Variants in APBB2 observed in about 807,000 individuals in gnomAD.
APBB2 encodes Fe65-like 1.
A neutral mutation model predicts 82.5 loss-of-function variants in APBB2; 38 were observed. That is an observed-to-expected ratio of 0.46 (90% CI 0.36 to 0.60). The LOEUF (loss-of-function observed/expected upper bound fraction) is 0.60. APBB2 is among the 20% of genes least tolerant of loss of function. The probability of loss-of-function intolerance (pLI) is 0.00; values close to 1 mark genes in which losing one functional copy is unlikely to be tolerated. For synonymous variants in APBB2, 341 were observed against 368.2 expected (o/e 0.93, Z 0.85); for missense variants, 772 against 972.3 (o/e 0.79, Z 2.74).
At chr4:40,900,445 C>T (rs9991450) in intron 10 of APBB2, among the ~76,000 whole-genome samples, 5,734 of 137,864 alleles carry the variant, frequency 0.042, 360 homozygotes, top group African/African-American at 0.15. Context: ...TGGGAGCTCA[C>T]GGAAGGAGGT....
chr4:40,863,152 C>T (rs899588565), intron 12 of APBB2, among the ~76,000 whole-genome samples: 1 of 152,190 alleles, frequency 6.6e-6, no homozygotes, highest in Non-Finnish European at 1.5e-5. Context: ...CCATGCTTTA[C>T]TTGTTTTTGT....
chr4:41,087,055 A>C (rs1740019856), intron 3 of APBB2, among the ~76,000 whole-genome samples: 1 of 152,166 alleles, frequency 6.6e-6, no homozygotes, highest in African/African-American at 2.4e-5. Flanking sequence ...CGGGAGGATC[A>C]CTTGAGCCCA....
intron 13 of APBB2, among the ~76,000 whole-genome samples, chr4:40,829,574 G>A (rs1033213191): frequency 1.3e-5 from 2 of 152,126 alleles, no homozygotes; most frequent in Admixed American, 6.5e-5. Flanking sequence ...GTTCCAAGAG[G>A]AAGATTTCGG....
chr4:41,048,834 G>C (rs955214698), intron 4 of APBB2, among the ~76,000 whole-genome samples: 56 of 152,264 alleles, frequency 3.7e-4, no homozygotes, highest in African/African-American at 1.1e-3. Context: ...TGCCACGCCG[G>C]ACTAGTTTTC....
At chr4:40,830,607 G>T in intron 12 of APBB2, 30 bp from the exon 13 acceptor site, 1 of 1,370,030 alleles carries the variant, frequency 7.3e-7, no homozygotes, top group Non-Finnish European at 1.0e-6. Context: ...CAGTCCATTA[G>T]TAAGAGAAGC....
chr4:41,141,764 A>G (rs894893519), intron 2 of APBB2, among the ~76,000 whole-genome samples: 3 of 152,246 alleles, frequency 2.0e-5, no homozygotes, highest in Non-Finnish European at 2.9e-5. Context: ...GCAGGCAAAA[A>G]AAGACAGAGC....
chr4:40,870,969 G>A (rs539695085), intron 12 of APBB2, among the ~76,000 whole-genome samples: 23 of 150,720 alleles, frequency 1.5e-4, no homozygotes, highest in Middle Eastern at 3.4e-3. Flanking sequence ...CCAAAGTGCC[G>A]GGATTACAGG....
At chr4:41,182,411 A>G (rs1771680547) in intron 1 of APBB2, among the ~76,000 whole-genome samples, 1 of 152,172 alleles carries the variant, frequency 6.6e-6, no homozygotes, top group Non-Finnish European at 1.5e-5. Flanking sequence ...CACAGCTTCA[A>G]ACACCTTCTA....
chr4:40,958,320 A>G (rs1792216008), intron 6 of APBB2, among the ~76,000 whole-genome samples: 1 of 152,214 alleles, frequency 6.6e-6, no homozygotes, highest in Non-Finnish European at 1.5e-5. Flanking sequence ...GAGTGTGCAC[A>G]TAGTATACAA....
chr4:41,206,367 T>G (rs1484247616), intron 1 of APBB2, among the ~76,000 whole-genome samples: 1 of 152,176 alleles, frequency 6.6e-6, no homozygotes, highest in Non-Finnish European at 1.5e-5. Flanking sequence ...TAACCAATGT[T>G]CTGGTACATT....
At chr4:40,880,254 CAAT>C (rs1560778482) in intron 12 of APBB2, 1 of 985,326 alleles carries the variant, frequency 1.0e-6, no homozygotes, top group Non-Finnish European at 1.2e-6. Flanking sequence ...AAACTCGACA[CAAT>C]GAGACTCCTT....
At chr4:40,885,804 C>A (rs576209851) in intron 12 of APBB2, among the ~76,000 whole-genome samples, 1 of 152,308 alleles carries the variant, frequency 6.6e-6, no homozygotes, top group East Asian at 1.9e-4. Context: ...TGTGTTTCCA[C>A]CGAGGAAACG....
chr4:40,864,924 T>C (rs184661389), intron 12 of APBB2, among the ~76,000 whole-genome samples: 1 of 149,964 alleles, frequency 6.7e-6, no homozygotes, highest in African/African-American at 2.5e-5. Context: ...AGTAGTGCAA[T>C]CTTGGTTCAC....
intron 10 of APBB2, among the ~76,000 whole-genome samples, chr4:40,908,723 C>A (rs1385704851): frequency 6.6e-6 from 1 of 152,184 alleles, no homozygotes; most frequent in Non-Finnish European, 1.5e-5. Context: ...CTTCAAAGCC[C>A]ACCAGCTCTA....
At chr4:40,851,427 C>A (rs531171098) in intron 12 of APBB2, among the ~76,000 whole-genome samples, 1 of 152,150 alleles carries the variant, frequency 6.6e-6, no homozygotes, top group South Asian at 2.1e-4. Context: ...AAAGGGAGGG[C>A]GATGAAAAAC....
chr4:41,131,165 T>C (rs530290732), intron 2 of APBB2, among the ~76,000 whole-genome samples: 1 of 152,324 alleles, frequency 6.6e-6, no homozygotes, highest in South Asian at 2.1e-4. Flanking sequence ...CATGCTACAC[T>C]GGAGCCTCAT....
At chr4:41,046,046 G>A (rs142718919) in intron 4 of APBB2, among the ~76,000 whole-genome samples, 1,530 of 152,218 alleles carry the variant, frequency 0.01, 30 homozygotes, top group African/African-American at 0.035. Context: ...TGTATATGAA[G>A]CTGGGTATAT....
intron 17 of APBB2, among the ~76,000 whole-genome samples, chr4:40,817,913 A>C (rs1157944147): frequency 1.3e-5 from 2 of 152,188 alleles, no homozygotes; most frequent in African/African-American, 4.8e-5. Flanking sequence ...ACACATCGAA[A>C]GCACGGATTT....
chr4:41,051,972 G>A (rs1208446775), intron 4 of APBB2, among the ~76,000 whole-genome samples: 1 of 152,208 alleles, frequency 6.6e-6, no homozygotes, highest in Non-Finnish European at 1.5e-5. Flanking sequence ...AGGAGAGTGT[G>A]TGTAAAGCAC....
Sources: allele counts gnomAD v4.1 joint callset (sites outside exome capture counted in the v4.1 genomes callset), GRCh38; gene constraint gnomAD v4.1.1; transcripts MANE v1.5; gene names NCBI Gene and HGNC (gene_info 2026-07-23, HGNC 2026-07-21).